Variants in DLG2 observed in about 807,000 individuals in gnomAD.
DLG2 encodes the protein disks large homolog 2.
Under a neutral mutation model 132.5 loss-of-function variants are expected in DLG2, and 45 were observed. That is an observed-to-expected ratio of 0.34 (90% CI 0.27 to 0.44). The LOEUF is 0.44. DLG2 is among the 20% of genes least tolerant of loss of function. The pLI is 1.00. For synonymous variants in DLG2, 424 were observed against 419.6 expected (o/e 1.01, Z -0.13); for missense variants, 1,045 against 1,196.9 (o/e 0.87, Z 1.87).
rs189879949 is a variant in DLG2 at position 85,409,286 on chromosome 11, T to A, written c.41-123921A>T. Among the ~76,000 whole-genome samples, 121 of 151,996 alleles carry A rather than the reference T, an allele frequency of 8.0e-4. 1 individual carries two copies. The highest frequency in any genetic ancestry group is 1.5e-3 in the Non-Finnish European group (103 of 67,878). ...CAGGCCTTCTGAGTCCTGGTTTACATGTAATCTGGTTCACACAAGGTTAAG... is the reference window on the plus strand; with the variant it reads ...CAGGCCTTCTGAGTCCTGGTTTACAAGTAATCTGGTTCACACAAGGTTAAG... On this transcript the variant is annotated intron_variant, in intron 3 of 27. Transcript: ENST00000376104.
chr11:85,486,817 G>A (rs1218892247), intron 3 of DLG2, among the ~76,000 whole-genome samples: 1 of 151,686 alleles, frequency 6.6e-6, no homozygotes, highest in Non-Finnish European at 1.5e-5. Flanking sequence ...CAGCATCCAA[G>A]CAAGCCACCT....
At chr11:84,676,118 T>A (rs768635195) in intron 6 of DLG2, among the ~76,000 whole-genome samples, 4 of 152,082 alleles carry the variant, frequency 2.6e-5, no homozygotes, top group Non-Finnish European at 5.9e-5. Flanking sequence ...GCTTCTCAAC[T>A]GATACAGTTT....
chr11:84,002,471 A>G lies in DLG2; in HGVS notation c.920-21829T>C, dbSNP rs181217632. ...TCTGCCTGGACATCCAGGCATTTTC[A>G]TACATCCTCTGAAATCGAGGTGGAG... On this transcript the variant is annotated intron_variant, in intron 11 of 27. Coordinates refer to ENST00000376104, the MANE Select transcript of DLG2 (RefSeq NM_001142699.3). Among the ~76,000 whole-genome samples the G allele has an allele frequency of 1.2e-3, 190 of 152,238 alleles. 1 individual carries two copies. The South Asian group carries it at 0.013, about 11-fold the overall frequency.
Position 84,962,139 on chromosome 11 carries a change from C to A in DLG2, c.357+149522G>T, listed in dbSNP as rs1278168792. Among the ~76,000 whole-genome samples the A allele has an allele frequency of 3.3e-5, 5 of 152,382 alleles. No individual in the cohort carries two copies. In the South Asian group the frequency reaches 8.3e-4, roughly 25 times the overall value. ...TGCTAAGCACATACACGGTGCTTTA[C>A]AATCATCCTCTCACACAATCCTTAA... is the stretch of plus-strand genomic sequence containing the variant. On this transcript the variant is annotated intron_variant, in intron 6 of 27. Transcript: ENST00000376104.
chr11:85,461,028 G>A (rs1220338249), intron 3 of DLG2, among the ~76,000 whole-genome samples: 1 of 152,138 alleles, frequency 6.6e-6, no homozygotes, highest in African/African-American at 2.4e-5. Flanking sequence ...AAGAACCACT[G>A]CAAATATATG....
At chr11:85,391,000 T>A (rs1012493943) in intron 3 of DLG2, among the ~76,000 whole-genome samples, 2 of 151,876 alleles carry the variant, frequency 1.3e-5, no homozygotes, top group Admixed American at 1.3e-4. Flanking sequence ...AACAAAAAGC[T>A]GGTTCTTTGA....
intron 5 of DLG2, among the ~76,000 whole-genome samples, chr11:85,125,076 C>T (rs1389939398): frequency 1.3e-5 from 2 of 152,122 alleles, no homozygotes; most frequent in Non-Finnish European, 2.9e-5. Flanking sequence ...ATGATCTGCC[C>T]GTCTCGGCCT....
At chr11:84,341,625 A>C (rs1188812903) in intron 7 of DLG2, among the ~76,000 whole-genome samples, 1 of 152,234 alleles carries the variant, frequency 6.6e-6, no homozygotes, top group Non-Finnish European at 1.5e-5. Context: ...TCACTGCATA[A>C]CAAGACAATG....
intron 6 of DLG2, among the ~76,000 whole-genome samples, chr11:84,592,263 T>C (rs2099545153): frequency 6.6e-6 from 1 of 152,126 alleles, no homozygotes; most frequent in Non-Finnish European, 1.5e-5. Flanking sequence ...GTGAGTATTG[T>C]TGAAAGTATA....
At chr11:84,000,433 G>A (rs1290711442) in intron 11 of DLG2, among the ~76,000 whole-genome samples, 4 of 151,840 alleles carry the variant, frequency 2.6e-5, no homozygotes, top group African/African-American at 4.8e-5. Context: ...AAGGATGAAA[G>A]GGTTAGAAAA....
At chr11:85,144,663 CCTAA>C (rs539735019) in intron 5 of DLG2, among the ~76,000 whole-genome samples, 19 of 151,818 alleles carry the variant, frequency 1.3e-4, no homozygotes, top group East Asian at 5.8e-4. Context: ...CTAATGACAA[CCTAA>C]CTGATTTCAG....
chr11:83,460,701 A>G (rs2089736785), intron 27 of DLG2, among the ~76,000 whole-genome samples: 1 of 152,268 alleles, frequency 6.6e-6, no homozygotes, highest in Admixed American at 6.5e-5. Flanking sequence ...TAGGTCTTAA[A>G]AATAAATTAC....
chr11:85,334,169 T>C (rs958732484), intron 3 of DLG2, among the ~76,000 whole-genome samples: 1 of 152,174 alleles, frequency 6.6e-6, no homozygotes, highest in Admixed American at 6.5e-5. Context: ...GGACATTTTA[T>C]GGTTCTAGGA....
intron 8 of DLG2, among the ~76,000 whole-genome samples, chr11:84,212,443 C>A (rs986944193): frequency 6.6e-6 from 1 of 152,166 alleles, no homozygotes; most frequent in Non-Finnish European, 1.5e-5. Context: ...TGGAAAGAGC[C>A]ATGCAAATGA....
intron 6 of DLG2, among the ~76,000 whole-genome samples, chr11:84,555,156 G>T (rs1375156703): frequency 1.3e-5 from 2 of 152,080 alleles, no homozygotes; most frequent in Admixed American, 1.3e-4. Flanking sequence ...GATATGACCT[G>T]ATATATATTT....
intron 4 of DLG2, among the ~76,000 whole-genome samples, chr11:85,165,808 G>C (rs1566957869): frequency 6.6e-6 from 1 of 151,970 alleles, no homozygotes; most frequent in Admixed American, 6.6e-5. Context: ...TTTCCATAAG[G>C]GCAGCCAGTT....
At chr11:85,415,781 T>C (rs2089783481) in intron 3 of DLG2, among the ~76,000 whole-genome samples, 1 of 152,132 alleles carries the variant, frequency 6.6e-6, no homozygotes, top group Non-Finnish European at 1.5e-5. Flanking sequence ...ACTGCAAAAA[T>C]TTTCTCCCAT....
intron 6 of DLG2, among the ~76,000 whole-genome samples, chr11:84,805,029 G>A (rs2075833984): frequency 1.3e-5 from 2 of 152,162 alleles, no homozygotes; most frequent in African/African-American, 4.8e-5. Flanking sequence ...GCCTTCTGGA[G>A]AGTCAGAACT....
intron 7 of DLG2, among the ~76,000 whole-genome samples, chr11:84,351,070 C>G (rs750079698): frequency 6.6e-6 from 1 of 151,790 alleles, no homozygotes; most frequent in Non-Finnish European, 1.5e-5. Flanking sequence ...GATGTGAGGA[C>G]AAACAGGAAA....
Sources: allele counts gnomAD v4.1 joint callset (sites outside exome capture counted in the v4.1 genomes callset), GRCh38; gene constraint gnomAD v4.1.1; transcripts MANE v1.5; gene names NCBI Gene and HGNC (gene_info 2026-07-23, HGNC 2026-07-21).